HS3ST3A1: variants seen among roughly 807,000 people sequenced by gnomAD.
HS3ST3A1 encodes heparan sulfate glucosamine 3-O-sulfotransferase 3A1.
HS3ST3A1 carries 19 observed loss-of-function variants against 25.7 expected under a neutral mutation model. That is an observed-to-expected ratio of 0.74 (90% CI 0.52 to 1.08). The LOEUF (loss-of-function observed/expected upper bound fraction) is 1.08, where lower values mean the gene tolerates loss of function less well. Among genes scored for constraint, HS3ST3A1 ranks in the 50% least tolerant of loss-of-function variants. The probability of loss-of-function intolerance (pLI) is 0.00; values close to 1 mark genes in which losing one functional copy is unlikely to be tolerated. For missense variants in HS3ST3A1, 459 were observed against 594.3 expected (o/e 0.77, Z 2.37); for synonymous variants, 226 against 278.6 (o/e 0.81, Z 1.88).
chr17:13,536,619 C>G (rs1477248491), intron 1 of HS3ST3A1, among the ~76,000 whole-genome samples: 1 of 152,172 alleles, frequency 6.6e-6, no homozygotes, highest in African/African-American at 2.4e-5. Flanking sequence ...TTTAACACCC[C>G]TAGGGTGAAA....
chr17:13,513,128 C>G (rs1293512583), intron 1 of HS3ST3A1, among the ~76,000 whole-genome samples: 1 of 152,114 alleles, frequency 6.6e-6, no homozygotes, highest in Non-Finnish European at 1.5e-5. Flanking sequence ...GGACTTAGAG[C>G]TAAGTCATGG....
chr17:13,514,314 A>G (rs1182069034), intron 1 of HS3ST3A1, among the ~76,000 whole-genome samples: 1 of 151,862 alleles, frequency 6.6e-6, no homozygotes, highest in Non-Finnish European at 1.5e-5. Context: ...TTCCTTTATG[A>G]TGTTTCCTAA....
chr17:13,496,154 ATATAT>A lies in HS3ST3A1; in HGVS notation c.*38_*42del, dbSNP rs773729992. ...CTCTTCTCTACCGATTGGTAAAAAA[ATATAT>A]TATATTTTGATTTTTTTTTTCTTTT... On this transcript the variant is annotated 3_prime_UTR_variant, in exon 2 of 2. Coordinates refer to ENST00000284110, the MANE Select transcript of HS3ST3A1 (RefSeq NM_006042.3). The A allele has an allele frequency of 6.8e-6, 10 of 1,471,974 alleles. No individual in the cohort carries two copies. Among genetic ancestry groups the A allele is most frequent in the Admixed American group, 5.1e-5 (2 of 39,102 alleles). The allele number at this position is 1,471,974 out of a possible 1,614,324, so 91.2% of individuals were successfully genotyped here.
intron 1 of HS3ST3A1, among the ~76,000 whole-genome samples, chr17:13,521,791 G>A (rs2142319362): frequency 6.6e-6 from 1 of 152,292 alleles, no homozygotes; most frequent in Admixed American, 6.5e-5. Flanking sequence ...AGGATTGAGG[G>A]AAGTGTGTTT....
At chr17:13,553,126 A>G (rs757774565) in intron 1 of HS3ST3A1, among the ~76,000 whole-genome samples, 11 of 152,182 alleles carry the variant, frequency 7.2e-5, no homozygotes, top group Non-Finnish European at 1.5e-4. Flanking sequence ...CTTTGGCTAA[A>G]GGGTGCAAAC....
intron 1 of HS3ST3A1, among the ~76,000 whole-genome samples, chr17:13,506,604 A>G (rs532854390): frequency 6.6e-6 from 1 of 152,344 alleles, no homozygotes; most frequent in East Asian, 1.9e-4. Context: ...GGTTAATTCA[A>G]ATGAAGGCTA....
intron 1 of HS3ST3A1, among the ~76,000 whole-genome samples, chr17:13,595,818 G>A (rs1468777011): frequency 6.6e-6 from 1 of 150,966 alleles, no homozygotes; most frequent in Non-Finnish European, 1.5e-5. Flanking sequence ...TTGTTCAACT[G>A]TGTCCCGGAG....
chr17:13,541,061 G>C (rs574291740), intron 1 of HS3ST3A1, among the ~76,000 whole-genome samples: 1 of 152,292 alleles, frequency 6.6e-6, no homozygotes, highest in East Asian at 1.9e-4. Flanking sequence ...TAAACTGAAA[G>C]CTATGATATA....
chr17:13,600,215 A>AC (rs1375953706), intron 1 of HS3ST3A1, among the ~76,000 whole-genome samples: 2 of 137,330 alleles, frequency 1.5e-5, no homozygotes, highest in Non-Finnish European at 3.0e-5. Flanking sequence ...TTTAGAAGAG[A>AC]CTTTTTTTTT....
intron 1 of HS3ST3A1, among the ~76,000 whole-genome samples, chr17:13,528,874 G>A (rs184708896): frequency 6.6e-6 from 1 of 151,760 alleles, no homozygotes; most frequent in Non-Finnish European, 1.5e-5. Context: ...ATGTTATAAA[G>A]AGCAGGATGT....
intron 1 of HS3ST3A1, among the ~76,000 whole-genome samples, chr17:13,504,787 T>A (rs1450520585): frequency 6.6e-6 from 1 of 152,082 alleles, no homozygotes; most frequent in African/African-American, 2.4e-5. Context: ...GGAGTGGAGC[T>A]CATATACCTA....
Position 13,581,418 on chromosome 17 carries a change from G to T in HS3ST3A1, c.599+19113C>A, listed in dbSNP as rs963107578. 2.0e-5 allele frequency among the ~76,000 whole-genome samples: 3 copies of T among 146,920 alleles called. No homozygotes were observed. In the East Asian group the frequency reaches 6.2e-4, roughly 30 times the overall value. ...GGAGAGAGAGGTTGCAGTGGGCTGA[G>T]ATCGAGCCACTGCACTCCAGCCTGG... On this transcript the variant is annotated intron_variant, in intron 1 of 1. Transcript: ENST00000284110.
intron 1 of HS3ST3A1, among the ~76,000 whole-genome samples, chr17:13,525,716 A>T (rs1018531070): frequency 2.0e-5 from 3 of 152,120 alleles, no homozygotes; most frequent in African/African-American, 7.2e-5. Flanking sequence ...ACTGAGTTTT[A>T]TGTTTGATCA....
chr17:13,507,293 G>GAGCT (rs1905716916), intron 1 of HS3ST3A1, among the ~76,000 whole-genome samples: 1 of 152,120 alleles, frequency 6.6e-6, no homozygotes, highest in Non-Finnish European at 1.5e-5. Context: ...CTAAAATGAA[G>GAGCT]AGCTAGAATT....
At chr17:13,594,308 C>T (rs745398134) in intron 1 of HS3ST3A1, among the ~76,000 whole-genome samples, 1 of 152,180 alleles carries the variant, frequency 6.6e-6, no homozygotes, top group Non-Finnish European at 1.5e-5. Context: ...ACCTGACCAC[C>T]ACCCTGCATC....
chr17:13,571,325 A>G (rs186960968), intron 1 of HS3ST3A1, among the ~76,000 whole-genome samples: 1 of 152,334 alleles, frequency 6.6e-6, no homozygotes, highest in East Asian at 1.9e-4. Flanking sequence ...GACATTACTT[A>G]ATTGGATCTA....
At chr17:13,543,024 G>A (rs1436630549) in intron 1 of HS3ST3A1, among the ~76,000 whole-genome samples, 1 of 152,138 alleles carries the variant, frequency 6.6e-6, no homozygotes, top group Non-Finnish European at 1.5e-5. Context: ...GGATCTGGGA[G>A]CTCCAAACCC....
chr17:13,583,362 AT>A (rs1256430765), intron 1 of HS3ST3A1, among the ~76,000 whole-genome samples: 2 of 152,112 alleles, frequency 1.3e-5, no homozygotes, highest in Non-Finnish European at 2.9e-5. Context: ...GTTTCTGGTC[AT>A]GCAATGAAAT....
At chr17:13,521,690 C>G (rs532369996) in intron 1 of HS3ST3A1, among the ~76,000 whole-genome samples, 29 of 152,240 alleles carry the variant, frequency 1.9e-4, no homozygotes, top group African/African-American at 7.0e-4. Flanking sequence ...TTTGTGGGGT[C>G]TTCATATAGA....
Sources: allele counts gnomAD v4.1 joint callset (sites outside exome capture counted in the v4.1 genomes callset), GRCh38; gene constraint gnomAD v4.1.1; transcripts MANE v1.5; gene names NCBI Gene and HGNC (gene_info 2026-07-23, HGNC 2026-07-21).